PHTF1: variants seen among roughly 807,000 people sequenced by gnomAD.
The protein encoded by PHTF1 is protein PHTF1.
PHTF1 carries 88 observed loss-of-function variants against 102.4 expected under a neutral mutation model. The ratio of observed to expected loss-of-function variants is 0.86; its 90% CI spans 0.72 to 1.03. The LOEUF (loss-of-function observed/expected upper bound fraction) is 1.03, where lower values mean the gene tolerates loss of function less well. Ranked by LOEUF, PHTF1 falls within the 50% of genes least tolerant of loss-of-function variation. The pLI is 0.00. For missense variants in PHTF1, 814 were observed against 909.5 expected, an observed-to-expected ratio of 0.89 and a Z score of 1.35; for synonymous variants, 289 against 305.2, an observed-to-expected ratio of 0.95 and a Z score of 0.55.
rs778239617 is a variant in PHTF1 at position 113,713,457 on chromosome 1, AAAG to A, written c.624-22_624-20del. ...TTTAATCCTATTTTTTAAAAAAGGA[AAAG>A]AAGATTAATTTTTTGAAAGTAACAC... On this transcript the variant is annotated intron_variant, in intron 7 of 18. Transcript: ENST00000369604. 5.3e-5 allele frequency: 73 copies of A among 1,383,608 alleles called. 1 individual carries two copies. Among genetic ancestry groups the A allele is most frequent in the African/African-American group, 5.9e-5 (4 of 68,116 alleles). 85.7% of individuals were successfully genotyped at this position (1,383,608 alleles called of 1,614,324 possible). A position where few individuals can be genotyped will look rare whatever the true frequency, so the allele number is the denominator to read the frequency against.
chr1:113,706,698 AAT>A lies in PHTF1; in HGVS notation c.1292_1293del (p.Asn431IlefsTer6). The part of the protein sequence containing the change: ...FQQNHLFWLQ[N>X]SSPSSDRVSA... ...CTAACTCGATCAGAGGAAGGACTTG[AAT>A]TCTGAAGCCAGAATAAATGATTCTG... is the stretch of plus-strand genomic sequence containing the variant. On this transcript the variant is annotated frameshift_variant, in exon 12 of 19. Coordinates refer to ENST00000369604, the MANE Select transcript of PHTF1 (RefSeq NM_001323043.2). LOFTEE classifies it high-confidence loss of function. 1 of 1,607,304 alleles carries A rather than the reference AAT, an allele frequency of 6.2e-7. No individual in the cohort carries two copies. Among genetic ancestry groups the A allele is most frequent in the Non-Finnish European group, 8.5e-7 (1 of 1,176,236 alleles).
chr1:113,736,543 G>A lies in PHTF1; in HGVS notation c.331+1567C>T, dbSNP rs1460572115. On this transcript the variant is annotated intron_variant, in intron 5 of 18. Transcript: ENST00000369604. ...GTGGATCACCGGAGGTCAGGAGTTC[G>A]AGACCAGCCTAGACAACATGGTGAA... Among the ~76,000 whole-genome samples, 9 of 151,784 alleles carry A rather than the reference G, an allele frequency of 5.9e-5. No homozygotes were observed. The South Asian group carries it at 1.2e-3, about 21-fold the overall frequency.
At chr1:113,722,912 T>C (rs1002049900) in intron 7 of PHTF1, among the ~76,000 whole-genome samples, 1 of 142,474 alleles carries the variant, frequency 7.0e-6, no homozygotes, top group African/African-American at 2.6e-5. Flanking sequence ...AGAGGAAGAC[T>C]CCATCTCAAA....
chr1:113,718,575 C>A (rs982772672), intron 7 of PHTF1, among the ~76,000 whole-genome samples: 2 of 152,256 alleles, frequency 1.3e-5, no homozygotes, highest in African/African-American at 4.8e-5. Context: ...GCCCCTGCAG[C>A]AAAACTATTG....
At chr1:113,715,450 A>G (rs868662184) in intron 7 of PHTF1, among the ~76,000 whole-genome samples, 2 of 152,024 alleles carry the variant, frequency 1.3e-5, no homozygotes, top group South Asian at 4.2e-4. Flanking sequence ...TGAGCTAAGG[A>G]GTTCAAAACC....
Position 113,711,851 on chromosome 1 carries a change from C to A in PHTF1, c.958-16G>T, listed in dbSNP as rs773410638. 6.2e-7 allele frequency: 1 copy of A among 1,610,778 alleles called. No homozygotes were observed. Among genetic ancestry groups the A allele is most frequent in the African/African-American group, 1.3e-5 (1 of 74,834 alleles). On this transcript the variant is annotated splice_polypyrimidine_tract_variant and intron_variant, in intron 9 of 18. Transcript: ENST00000369604. Reference sequence around the variant, plus strand: ...TTTTCTTTACCTGCCAAAAATCAAACCAACAAGCAATAGGAAAATATGTTA... The same window carrying A: ...TTTTCTTTACCTGCCAAAAATCAAAACAACAAGCAATAGGAAAATATGTTA...
intron 5 of PHTF1, among the ~76,000 whole-genome samples, chr1:113,729,698 G>A (rs1275788108): frequency 1.3e-5 from 2 of 152,264 alleles, no homozygotes; most frequent in East Asian, 3.9e-4. Context: ...ATGCTAACAA[G>A]GTACCTAAGG....
chr1:113,699,217 G>A, intron 17 of PHTF1: 1 of 213,268 alleles, frequency 4.7e-6, no homozygotes, highest in Non-Finnish European at 9.4e-6. Context: ...CACCTTGCAA[G>A]GGTAGGTAGT....
At chr1:113,712,165 T>C in intron 8 of PHTF1, 52 bp from the exon 9 acceptor site, 3 of 1,445,256 alleles carry the variant, frequency 2.1e-6, no homozygotes, top group South Asian at 1.2e-5. Flanking sequence ...AATATTCTAA[T>C]AAGCTGCATG....
In PHTF1 at chr1:113,698,291, TA is replaced by T. The variant is rs1275794956; in HGVS notation, c.2238del (p.Ile747Ter). Reference sequence around the variant, plus strand: ...ATATTAAATCCTAGAAGATCACTTATAACACCTGAGACAGCAGAAAGGATAA... The same window carrying T: ...ATATTAAATCCTAGAAGATCACTTATACACCTGAGACAGCAGAAAGGATAA... ...RVVILSAVSG[V>X]ISDLLGFNIR... On this transcript the variant is annotated frameshift_variant, in exon 18 of 19. Transcript: ENST00000369604. LOFTEE classifies it high-confidence loss of function. The T allele has an allele frequency of 3.7e-6, 6 of 1,609,138 alleles. No individual in the cohort carries two copies. The highest frequency in any genetic ancestry group is 5.1e-6 in the Non-Finnish European group (6 of 1,175,814).
Position 113,724,800 on chromosome 1 carries a change from T to C in PHTF1, c.582A>G (p.Val194=), listed in dbSNP as rs1308175907. The stretch of plus-strand genomic sequence containing the variant: ...TCTCCCAAAAACCACCAATAATGGG[T>C]ACAGATTCCAAAGTTTCTATTCCTC... ...KVRGIETLES[V]PIIGGFWETI... is the part of the protein sequence containing the mutation. Residue 194 remains valine (V), a synonymous_variant, in exon 7 of 19, where the codon GTA becomes GTG. Transcript: ENST00000369604. 5.6e-6 allele frequency: 9 copies of C among 1,611,340 alleles called. 1 individual carries two copies. Among genetic ancestry groups the C allele is most frequent in the South Asian group, 2.2e-5 (2 of 90,338 alleles).
chr1:113,704,480 T>C (rs1649824253), intron 14 of PHTF1, among the ~76,000 whole-genome samples, 186 bp downstream of exon 14: 1 of 151,930 alleles, frequency 6.6e-6, no homozygotes, highest in Non-Finnish European at 1.5e-5. Context: ...CTTTCTAAGC[T>C]CTTCTTTACC....
At chr1:113,699,479 G>C in intron 17 of PHTF1, 1 of 644,866 alleles carries the variant, frequency 1.6e-6, no homozygotes, top group South Asian at 1.5e-5. Context: ...GCCCAACTTG[G>C]TGATGGGGAG....
intron 15 of PHTF1, among the ~76,000 whole-genome samples, chr1:113,701,676 G>T (rs1268153375): frequency 6.6e-6 from 1 of 151,616 alleles, no homozygotes; most frequent in Non-Finnish European, 1.5e-5. Flanking sequence ...TTTGTTTTCT[G>T]CCTCCCCACT....
chr1:113,712,208 C>G (rs1651234361), intron 8 of PHTF1, 95 bp from the exon 9 acceptor site: 1 of 973,684 alleles, frequency 1.0e-6, no homozygotes, highest in Admixed American at 2.6e-5. Flanking sequence ...ACAAAAACTA[C>G]CAAGCAGCAA....
intron 7 of PHTF1, among the ~76,000 whole-genome samples, chr1:113,720,379 G>A (rs1405753970): frequency 6.6e-6 from 1 of 152,070 alleles, no homozygotes; most frequent in East Asian, 1.9e-4. Context: ...GCATTAGACA[G>A]ATCATCCAAA....
At chr1:113,723,693 A>G (rs1653360658) in intron 7 of PHTF1, among the ~76,000 whole-genome samples, 1 of 152,246 alleles carries the variant, frequency 6.6e-6, no homozygotes, top group Non-Finnish European at 1.5e-5. Context: ...ACATTAGGGA[A>G]ACTCTCCAGA....
chr1:113,720,880 T>C (rs1652819495), intron 7 of PHTF1, among the ~76,000 whole-genome samples: 1 of 152,196 alleles, frequency 6.6e-6, no homozygotes, highest in Non-Finnish European at 1.5e-5. Context: ...ATACAACCTG[T>C]GAAATCTAGG....
chr1:113,727,935 T>C (rs929643539), intron 5 of PHTF1, among the ~76,000 whole-genome samples: 4 of 152,014 alleles, frequency 2.6e-5, no homozygotes, highest in African/African-American at 9.7e-5. Flanking sequence ...ATCACACCAC[T>C]GCACTCCAGA....
Sources: gnomAD v4.1 joint callset for allele counts (sites outside exome capture counted in the v4.1 genomes callset) on GRCh38, gnomAD v4.1.1 for gene constraint, MANE v1.5 for transcripts, NCBI Gene and HGNC (gene_info 2026-07-23, HGNC 2026-07-21) for gene names.